Variants in EPHB1 observed in about 807,000 individuals in gnomAD.
EPHB1 encodes EPH receptor B1.
Under a neutral mutation model 94.4 loss-of-function variants are expected in EPHB1, and 30 were observed. That is an observed-to-expected ratio of 0.32 (90% CI 0.24 to 0.43). EPHB1 has a LOEUF of 0.43. Ranked by LOEUF, EPHB1 falls within the 20% of genes least tolerant of loss-of-function variation. The probability of loss-of-function intolerance (pLI) is 1.00; values close to 1 mark genes in which losing one functional copy is unlikely to be tolerated. For missense variants in EPHB1, 1,055 were observed against 1,308.3 expected, an observed-to-expected ratio of 0.81 and a Z score of 2.99; for synonymous variants, 522 against 489.1, an observed-to-expected ratio of 1.07 and a Z score of -0.89.
intron 6 of EPHB1, among the ~76,000 whole-genome samples, chr3:135,155,189 A>G (rs1941313506): frequency 6.6e-6 from 1 of 152,192 alleles, no homozygotes; most frequent in African/African-American, 2.4e-5. Context: ...AACAGCATAG[A>G]GGAAAAAAGA....
intron 1 of EPHB1, among the ~76,000 whole-genome samples, chr3:134,895,176 T>G (rs2038064259): frequency 6.6e-6 from 1 of 152,236 alleles, no homozygotes; most frequent in East Asian, 1.9e-4. Flanking sequence ...CCTCTGCTTT[T>G]CCCTGCTTCC....
intron 3 of EPHB1, among the ~76,000 whole-genome samples, chr3:135,046,682 G>T (rs1000360567): frequency 2.6e-5 from 4 of 152,142 alleles, no homozygotes; most frequent in Non-Finnish European, 5.9e-5. Context: ...AAATTCTGGG[G>T]GTGGGGCCGA....
At chr3:135,087,527 T>C (rs1365560775) in intron 3 of EPHB1, among the ~76,000 whole-genome samples, 3 of 152,228 alleles carry the variant, frequency 2.0e-5, no homozygotes, top group African/African-American at 7.2e-5. Context: ...TTCACTGTTC[T>C]GTGCCCTTTA....
chr3:135,140,363 A>T (rs1940776788), intron 5 of EPHB1, among the ~76,000 whole-genome samples: 1 of 152,234 alleles, frequency 6.6e-6, no homozygotes, highest in Admixed American at 6.5e-5. Context: ...CCCTGTATCC[A>T]TCCTGTTGAC....
Position 134,795,294 on chromosome 3 carries a change from T to A in EPHB1, c.-338T>A, listed in dbSNP as rs2035797758. On this transcript the variant is annotated 5_prime_UTR_variant, in exon 1 of 16. Coordinates refer to ENST00000398015, the MANE Select transcript of EPHB1 (RefSeq NM_004441.5). ...GGCTCCGTCCTCCCGTAGGCTCCGCTGTAGCTAGCAATGTGACACCAGGAC... is the reference window on the plus strand; with the variant it reads ...GGCTCCGTCCTCCCGTAGGCTCCGCAGTAGCTAGCAATGTGACACCAGGAC... 2 of 422,840 alleles carry A rather than the reference T, an allele frequency of 4.7e-6. No homozygotes were observed. The highest frequency in any genetic ancestry group is 3.4e-5 in the South Asian group (1 of 29,030). 26.2% of individuals were successfully genotyped at this position (422,840 alleles called of 1,614,324 possible). A position where few individuals can be genotyped will look rare whatever the true frequency, so the allele number is the denominator to read the frequency against.
At chr3:135,139,833 G>C (rs1283258385) in intron 5 of EPHB1, among the ~76,000 whole-genome samples, 1 of 152,132 alleles carries the variant, frequency 6.6e-6, no homozygotes, top group Admixed American at 6.6e-5. Context: ...GTGTTTGATG[G>C]GATATTTTAT....
intron 2 of EPHB1, among the ~76,000 whole-genome samples, chr3:134,931,895 T>C (rs2038911366): frequency 6.6e-6 from 1 of 152,178 alleles, no homozygotes; most frequent in Admixed American, 6.5e-5. Context: ...TACATGTACA[T>C]ATGTATATAG....
At chr3:135,008,393 A>G (rs1368186756) in intron 3 of EPHB1, among the ~76,000 whole-genome samples, 2 of 152,198 alleles carry the variant, frequency 1.3e-5, no homozygotes, top group Non-Finnish European at 2.9e-5. Context: ...TCCCTGAGTC[A>G]TGCTACTGGG....
intron 3 of EPHB1, among the ~76,000 whole-genome samples, chr3:135,077,404 C>T (rs538372365): frequency 6.6e-5 from 10 of 152,360 alleles, no homozygotes; most frequent in Admixed American, 5.9e-4. Context: ...CTTTGACTTG[C>T]AGTCACAGAC....
At chr3:135,256,326 C>T (rs1314687567) in intron 15 of EPHB1, among the ~76,000 whole-genome samples, 2 of 152,162 alleles carry the variant, frequency 1.3e-5, no homozygotes, top group African/African-American at 4.8e-5. Context: ...ATGGTCTTTA[C>T]ATTTTGGCAT....
chr3:134,921,771 A>G (rs1412229309), intron 1 of EPHB1, among the ~76,000 whole-genome samples: 5 of 152,212 alleles, frequency 3.3e-5, no homozygotes, highest in Non-Finnish European at 7.3e-5. Flanking sequence ...CATGTTTCAC[A>G]GTGTTTTATT....
At position 135,259,199 on chromosome 3, in the gene EPHB1, G is replaced by A. The variant is rs1362372449; in HGVS notation, c.*79G>A. On this transcript the variant is annotated 3_prime_UTR_variant, in exon 16 of 16. Transcript: ENST00000398015. ...GACCAGAGGTTGACCACTGTGGAAT[G>A]TACTGGAGAGACTGGCTTCTCAGCT... 2 of 1,102,190 alleles carry A rather than the reference G, an allele frequency of 1.8e-6. No individual in the cohort carries two copies. Among genetic ancestry groups the A allele is most frequent in the Non-Finnish European group, 2.7e-6 (2 of 751,220 alleles). The allele number at this position is 1,102,190 out of a possible 1,614,324, so 68.3% of individuals were successfully genotyped here.
chr3:135,127,295 G>A (rs1481432892), intron 4 of EPHB1, among the ~76,000 whole-genome samples: 1 of 152,226 alleles, frequency 6.6e-6, no homozygotes, highest in Non-Finnish European at 1.5e-5. Flanking sequence ...ATCAGATTCT[G>A]TAAGTGGTCA....
At chr3:134,944,675 G>A (rs1240630653) in intron 2 of EPHB1, among the ~76,000 whole-genome samples, 1 of 152,170 alleles carries the variant, frequency 6.6e-6, no homozygotes, top group Non-Finnish European at 1.5e-5. Context: ...AAGGCCAGTG[G>A]TCCACCTGTA....
chr3:134,875,297 G>A (rs566327734), intron 1 of EPHB1, among the ~76,000 whole-genome samples: 1 of 152,294 alleles, frequency 6.6e-6, no homozygotes, highest in Admixed American at 6.5e-5. Flanking sequence ...CCCACCTGGT[G>A]TCTCACCAGG....
At chr3:135,215,784 T>G (rs1943137147) in intron 12 of EPHB1, among the ~76,000 whole-genome samples, 1 of 152,188 alleles carries the variant, frequency 6.6e-6, no homozygotes, top group African/African-American at 2.4e-5. Context: ...AGTTTCTGAT[T>G]CATGGATCTG....
At chr3:135,198,176 A>G (rs914740569) in intron 11 of EPHB1, among the ~76,000 whole-genome samples, 1 of 152,138 alleles carries the variant, frequency 6.6e-6, no homozygotes, top group Non-Finnish European at 1.5e-5. Flanking sequence ...TTCTCCACAC[A>G]GCGTTTGAGG....
intron 1 of EPHB1, among the ~76,000 whole-genome samples, chr3:134,863,494 A>T (rs1487033750): frequency 6.6e-6 from 1 of 152,216 alleles, no homozygotes; most frequent in Non-Finnish European, 1.5e-5. Context: ...AGTCCCCTTA[A>T]GTGGCAGCAA....
At chr3:135,249,011 G>A (rs776203518) in intron 14 of EPHB1, among the ~76,000 whole-genome samples, 11 of 152,068 alleles carry the variant, frequency 7.2e-5, no homozygotes, top group African/African-American at 9.7e-5. Context: ...AAAGGACTAC[G>A]TCTTTGAATG....
Sources: gnomAD v4.1 joint callset for allele counts (sites outside exome capture counted in the v4.1 genomes callset) on GRCh38, gnomAD v4.1.1 for gene constraint, MANE v1.5 for transcripts, NCBI Gene and HGNC (gene_info 2026-07-23, HGNC 2026-07-21) for gene names.